SHISA6: variants seen among roughly 807,000 people sequenced by gnomAD.
The protein encoded by SHISA6 is shisa family member 6.
A neutral mutation model predicts 47.9 loss-of-function variants in SHISA6; 22 were observed. The ratio of observed to expected loss-of-function variants is 0.46; its 90% confidence interval spans 0.33 to 0.66. SHISA6 has a LOEUF of 0.66. Ranked by LOEUF, SHISA6 falls within the 30% of genes least tolerant of loss-of-function variation. The probability of loss-of-function intolerance (pLI) is 0.02; values close to 1 mark genes in which losing one functional copy is unlikely to be tolerated. For synonymous variants in SHISA6, 388 were observed against 337.8 expected, an observed-to-expected ratio of 1.15 and a Z score of -1.63; for missense variants, 680 against 764.6, an observed-to-expected ratio of 0.89 and a Z score of 1.30.
intron 2 of SHISA6, among the ~76,000 whole-genome samples, chr17:11,281,562 G>C (rs1052551509): frequency 2.0e-5 from 3 of 151,930 alleles, no homozygotes; most frequent in African/African-American, 7.2e-5. Context: ...CTAAAATTTT[G>C]TTAAGAACTT....
At chr17:11,253,765 C>A (rs914796217) in intron 1 of SHISA6, among the ~76,000 whole-genome samples, 22 of 152,130 alleles carry the variant, frequency 1.4e-4, no homozygotes, top group Admixed American at 1.4e-3. Flanking sequence ...TTTTTAGAAT[C>A]CAACTCTCTC....
At chr17:11,243,455 C>T (rs968355939) in intron 1 of SHISA6, among the ~76,000 whole-genome samples, 1 of 152,020 alleles carries the variant, frequency 6.6e-6, no homozygotes, top group Non-Finnish European at 1.5e-5. Flanking sequence ...GCTCTGTCAC[C>T]CTGAGGTGCC....
chr17:11,507,281 C>G (rs2071507299), intron 3 of SHISA6, among the ~76,000 whole-genome samples: 1 of 152,168 alleles, frequency 6.6e-6, no homozygotes, highest in Non-Finnish European at 1.5e-5. Context: ...GAATGTCTAT[C>G]TTTTCCTTAC....
chr17:11,259,024 A>G (rs1352930440), intron 1 of SHISA6, among the ~76,000 whole-genome samples: 2 of 152,000 alleles, frequency 1.3e-5, no homozygotes, highest in African/African-American at 4.8e-5. Context: ...TCAATGATGG[A>G]TGGAGTGTTT....
At chr17:11,481,356 G>GTATATATATATATATATA (rs1417264013) in intron 3 of SHISA6, among the ~76,000 whole-genome samples, 8 of 121,202 alleles carry the variant, frequency 6.6e-5, no homozygotes, top group African/African-American at 2.5e-4. Flanking sequence ...GTGTGTGTGT[G>GTATATATATATATATATA]TGTGTGTGTG....
chr17:11,267,125 A>G (rs2142149346), intron 2 of SHISA6, among the ~76,000 whole-genome samples: 1 of 152,278 alleles, frequency 6.6e-6, no homozygotes, highest in Non-Finnish European at 1.5e-5. Flanking sequence ...AGAGCCTTTT[A>G]CCCCAACTCT....
chr17:11,272,243 A>C (rs950066452), intron 2 of SHISA6, among the ~76,000 whole-genome samples: 1 of 152,108 alleles, frequency 6.6e-6, no homozygotes, highest in South Asian at 2.1e-4. Context: ...TCTGTCTTCT[A>C]TAGCTCCCCA....
At chr17:11,456,051 C>T (rs576034648) in intron 3 of SHISA6, among the ~76,000 whole-genome samples, 1 of 152,182 alleles carries the variant, frequency 6.6e-6, no homozygotes, top group Non-Finnish European at 1.5e-5. Context: ...GTTAGAAAGG[C>T]GCTTTGTAAA....
chr17:11,454,195 T>C (rs1915473851), intron 3 of SHISA6, among the ~76,000 whole-genome samples: 2 of 152,182 alleles, frequency 1.3e-5, no homozygotes, highest in African/African-American at 4.8e-5. Context: ...ATTCAATCTA[T>C]TTCTGCACAT....
chr17:11,297,397 A>G (rs952320384), intron 2 of SHISA6, among the ~76,000 whole-genome samples: 1 of 152,172 alleles, frequency 6.6e-6, no homozygotes, highest in South Asian at 2.1e-4. Context: ...TGATCATTCT[A>G]CTACACGAGG....
chr17:11,506,756 G>A (rs961139699), intron 3 of SHISA6, among the ~76,000 whole-genome samples: 3 of 152,154 alleles, frequency 2.0e-5, no homozygotes, highest in Non-Finnish European at 4.4e-5. Context: ...TTATAAATGA[G>A]CTTAAAACGT....
At chr17:11,375,123 C>T (rs904432729) in intron 2 of SHISA6, among the ~76,000 whole-genome samples, 18 of 152,122 alleles carry the variant, frequency 1.2e-4, no homozygotes, top group Admixed American at 7.9e-4. Flanking sequence ...ATCTAGATAT[C>T]GGTCCCTTTT....
intron 3 of SHISA6, among the ~76,000 whole-genome samples, chr17:11,402,588 A>G (rs1284342603): frequency 5.3e-5 from 8 of 152,332 alleles, no homozygotes; most frequent in African/African-American, 1.7e-4. Flanking sequence ...CTAATGTGGC[A>G]GAGGATGAGG....
At position 11,555,722 on chromosome 17, in the gene SHISA6, C is replaced by T. The variant is rs1428323507; in HGVS notation, c.953-18C>T. 3 of 1,517,160 alleles carry T rather than the reference C, an allele frequency of 2.0e-6. No homozygotes were observed. Among genetic ancestry groups the T allele is most frequent in the Admixed American group, 2.2e-5 (1 of 45,634 alleles). The allele number at this position is 1,517,160 out of a possible 1,614,324, so 94.0% of individuals were successfully genotyped here. On this transcript the variant is annotated intron_variant, in intron 4 of 5. Transcript: ENST00000441885. ...CATGGTCCTCATTAATACAAAACAC[C>T]CCTCCCTTTTCTTGCAGAGAAGCCA...
At chr17:11,544,343 A>C (rs999909467) in intron 3 of SHISA6, among the ~76,000 whole-genome samples, 1 of 152,230 alleles carries the variant, frequency 6.6e-6, no homozygotes, top group Non-Finnish European at 1.5e-5. Flanking sequence ...CTAGGATATA[A>C]AAATAATTCT....
chr17:11,372,587 T>C (rs1912662092), intron 2 of SHISA6, among the ~76,000 whole-genome samples: 1 of 152,188 alleles, frequency 6.6e-6, no homozygotes, highest in South Asian at 2.1e-4. Context: ...TTTTTGTATA[T>C]TTTTAATGTG....
At chr17:11,336,836 T>C (rs1204474631) in intron 2 of SHISA6, among the ~76,000 whole-genome samples, 1 of 152,188 alleles carries the variant, frequency 6.6e-6, no homozygotes, top group African/African-American at 2.4e-5. Flanking sequence ...CTCTGATTTC[T>C]TCCAGAAAGT....
chr17:11,553,586 TC>T (rs2071949275), intron 4 of SHISA6, among the ~76,000 whole-genome samples: 1 of 152,138 alleles, frequency 6.6e-6, no homozygotes, highest in South Asian at 2.1e-4. Context: ...TCTTGGATGT[TC>T]CCTTCTTTCC....
chr17:11,332,239 T>TA (rs1555528882), intron 2 of SHISA6, among the ~76,000 whole-genome samples: 1 of 14,752 alleles, frequency 6.8e-5, no homozygotes, highest in Non-Finnish European at 6.4e-4. Flanking sequence ...GCGCCAGCGT[T>TA]GGGGAAAAAA....
Sources: gnomAD v4.1 joint callset for allele counts (sites outside exome capture counted in the v4.1 genomes callset) on GRCh38, gnomAD v4.1.1 for gene constraint, MANE v1.5 for transcripts, NCBI Gene and HGNC (gene_info 2026-07-23, HGNC 2026-07-21) for gene names.